The following NELL2 variants were observed in gnomAD, a reference collection of about 807,000 sequenced individuals.
The protein encoded by NELL2 is neural EGFL like 2, also known as protein kinase C-binding protein NELL2.
NELL2 carries 41 observed loss-of-function variants against 109.6 expected under a neutral mutation model. The ratio of observed to expected loss-of-function variants is 0.37; its 90% confidence interval spans 0.29 to 0.49. The LOEUF (loss-of-function observed/expected upper bound fraction) is 0.49. Ranked by LOEUF, NELL2 falls within the 20% of genes least tolerant of loss-of-function variation. The pLI is 0.98. For synonymous variants in NELL2, 355 were observed against 344.7 expected (o/e 1.03, Z -0.33); for missense variants, 900 against 1,008.3 (o/e 0.89, Z 1.45).
At chr12:44,814,263 T>A (rs917855281) in intron 3 of NELL2, among the ~76,000 whole-genome samples, 11 of 152,134 alleles carry the variant, frequency 7.2e-5, no homozygotes, top group African/African-American at 2.7e-4. Context: ...CTGGGTGAGT[T>A]CTATGTCTCT....
intron 3 of NELL2, among the ~76,000 whole-genome samples, chr12:44,815,328 C>A (rs930075517): frequency 4.6e-5 from 7 of 152,174 alleles, no homozygotes; most frequent in Non-Finnish European, 8.8e-5. Context: ...AGGAAGTTGT[C>A]TGTCAATGAT....
intron 2 of NELL2, among the ~76,000 whole-genome samples, chr12:44,819,790 C>G (rs2136694281): frequency 6.6e-6 from 1 of 152,314 alleles, no homozygotes; most frequent in South Asian, 2.1e-4. Context: ...GACCCTCCAG[C>G]ATGAACAAAG....
chr12:44,697,675 T>G (rs553531986), intron 12 of NELL2, among the ~76,000 whole-genome samples: 1 of 152,310 alleles, frequency 6.6e-6, no homozygotes, highest in South Asian at 2.1e-4. Flanking sequence ...AGTAATTATA[T>G]GCACACAATA....
intron 9 of NELL2, among the ~76,000 whole-genome samples, chr12:44,725,705 T>C (rs1939038877): frequency 6.6e-6 from 1 of 152,180 alleles, no homozygotes; most frequent in South Asian, 2.1e-4. Flanking sequence ...TGTGGGAACA[T>C]GGATGGAGCT....
chr12:44,528,832 G>T (rs1592072944), intron 16 of NELL2, among the ~76,000 whole-genome samples: 1 of 152,200 alleles, frequency 6.6e-6, no homozygotes, highest in East Asian at 1.9e-4. Context: ...CATTTGAGAA[G>T]AAATTTGAAT....
At chr12:44,545,087 A>T (rs1237012113) in intron 15 of NELL2, among the ~76,000 whole-genome samples, 1 of 152,028 alleles carries the variant, frequency 6.6e-6, no homozygotes, top group East Asian at 1.9e-4. Flanking sequence ...GAGTATTTGC[A>T]ATGGCCTTTT....
chr12:44,692,223 CTTAAGA>C (rs1021641558), intron 12 of NELL2, among the ~76,000 whole-genome samples: 10 of 152,134 alleles, frequency 6.6e-5, no homozygotes, highest in African/African-American at 2.4e-4. Context: ...CCCTAGGGCC[CTTAAGA>C]ATTATGCTAA....
chr12:44,589,794 C>T (rs1195794403), intron 15 of NELL2, among the ~76,000 whole-genome samples: 1 of 152,212 alleles, frequency 6.6e-6, no homozygotes, highest in African/African-American at 2.4e-5. Context: ...TTCAAGTTCT[C>T]CTAACAGAAA....
At chr12:44,736,105 G>T (rs555109123) in intron 9 of NELL2, among the ~76,000 whole-genome samples, 27 of 150,680 alleles carry the variant, frequency 1.8e-4, no homozygotes, top group African/African-American at 6.4e-4. Context: ...CCGCCTCCCG[G>T]GTTCACGCCA....
At chr12:44,593,236 C>G (rs1006821344) in intron 15 of NELL2, among the ~76,000 whole-genome samples, 2 of 152,058 alleles carry the variant, frequency 1.3e-5, no homozygotes, top group Admixed American at 1.3e-4. Context: ...TTGAAAGTGA[C>G]TGAGATCCAG....
At chr12:44,867,777 G>A (rs1265206756) in intron 2 of NELL2, among the ~76,000 whole-genome samples, 2 of 152,036 alleles carry the variant, frequency 1.3e-5, no homozygotes, top group African/African-American at 2.4e-5. Flanking sequence ...TTTCAGTAGA[G>A]TTTCAGGATA....
chr12:44,839,662 C>G (rs1944162447), intron 2 of NELL2, among the ~76,000 whole-genome samples: 1 of 152,126 alleles, frequency 6.6e-6, no homozygotes, highest in African/African-American at 2.4e-5. Flanking sequence ...ATTTCTGAAA[C>G]AACTTAGTGA....
At chr12:44,681,416 T>C (rs1008502378) in intron 12 of NELL2, among the ~76,000 whole-genome samples, 3 of 150,326 alleles carry the variant, frequency 2.0e-5, no homozygotes, top group African/African-American at 7.3e-5. Flanking sequence ...TATTTTATTT[T>C]ATTTATTATT....
At chr12:44,750,019 T>C (rs983494646) in intron 9 of NELL2, among the ~76,000 whole-genome samples, 9 of 151,682 alleles carry the variant, frequency 5.9e-5, no homozygotes, top group Non-Finnish European at 7.4e-5. Flanking sequence ...TATCAAGATA[T>C]ATAGAGAAAG....
chr12:44,868,950 CA>C (rs1185508172), intron 2 of NELL2, among the ~76,000 whole-genome samples: 2 of 152,132 alleles, frequency 1.3e-5, no homozygotes, highest in African/African-American at 2.4e-5. Context: ...AGCCATTCCA[CA>C]ATGTATATTT....
chr12:44,871,615 T>A lies in NELL2; in HGVS notation c.184+3610A>T, dbSNP rs185840173. Among the ~76,000 whole-genome samples, 70 of 152,282 alleles carry A rather than the reference T, an allele frequency of 4.6e-4. 2 individuals carry two copies. The East Asian group carries it at 0.012, about 26-fold the overall frequency. On this transcript the variant is annotated intron_variant, in intron 2 of 19. Coordinates refer to ENST00000429094, the MANE Select transcript of NELL2 (RefSeq NM_001145108.2). ...CACACTATTTGGGCACCAACAGCCA[T>A]CACTTCAAAGTCCACAGATGCTCAC... is the stretch of plus-strand genomic sequence containing the variant.
At chr12:44,821,094 A>T (rs1943528375) in intron 2 of NELL2, among the ~76,000 whole-genome samples, 2 of 152,096 alleles carry the variant, frequency 1.3e-5, no homozygotes, top group Admixed American at 1.3e-4. Flanking sequence ...ATAATGCTGC[A>T]CATATGATAC....
At chr12:44,796,250 T>G (rs1363524997) in intron 3 of NELL2, among the ~76,000 whole-genome samples, 1 of 152,120 alleles carries the variant, frequency 6.6e-6, no homozygotes, top group Non-Finnish European at 1.5e-5. Context: ...TCTATTAAAA[T>G]ATCAGCAAAA....
At chr12:44,859,914 C>A (rs1944789513) in intron 2 of NELL2, among the ~76,000 whole-genome samples, 1 of 152,142 alleles carries the variant, frequency 6.6e-6, no homozygotes, top group Non-Finnish European at 1.5e-5. Flanking sequence ...TTATGTTTGA[C>A]CCTGTCAATA....
Sources: gnomAD v4.1 joint callset for allele counts (sites outside exome capture counted in the v4.1 genomes callset) on GRCh38, gnomAD v4.1.1 for gene constraint, MANE v1.5 for transcripts, NCBI Gene and HGNC (gene_info 2026-07-23, HGNC 2026-07-21) for gene names.